The following MB variants were observed in gnomAD, a reference collection of about 807,000 sequenced individuals.
The protein encoded by MB is myoglobin.
MB carries 10 observed loss-of-function variants against 14.5 expected under a neutral mutation model. The observed-to-expected ratio is 0.69, with a 90% CI of 0.43 to 1.17. The LOEUF (loss-of-function observed/expected upper bound fraction) is 1.17, where lower values mean the gene tolerates loss of function less well. MB is among the 50% of genes most tolerant of loss of function. The pLI is 0.00. For synonymous variants in MB, 89 were observed against 78.6 expected (o/e 1.13, Z -0.70); for missense variants, 169 against 192.7 (o/e 0.88, Z 0.73).
chr22:35,617,337 C>G, upstream of MB: 1 of 1,171,588 alleles, frequency 8.5e-7, no homozygotes, highest in Non-Finnish European at 1.3e-6. Context: ...TTTGAGGCTG[C>G]CTGGTCCCAA....
chr22:35,620,379 T>TTCAG (rs997539411), upstream of MB, among the ~76,000 whole-genome samples: 27 of 152,332 alleles, frequency 1.8e-4, no homozygotes, highest in African/African-American at 6.0e-4. Flanking sequence ...CATTCATTCA[T>TTCAG]TCAGTCAGTC....
chr22:35,617,699 C>A (rs1259135402), upstream of MB: 1 of 168,246 alleles, frequency 5.9e-6, no homozygotes, highest in African/African-American at 2.4e-5. Context: ...TGTTTCTAAG[C>A]TTGGCCACCA....
intron 1 of MB, among the ~76,000 whole-genome samples, chr22:35,616,002 A>G (rs967835309): frequency 6.6e-6 from 1 of 152,196 alleles, no homozygotes; most frequent in Non-Finnish European, 1.5e-5. Flanking sequence ...AGGTAGACGG[A>G]AGCTGGAAAT....
At chr22:35,620,780 T>C (rs939211448), upstream of MB, among the ~76,000 whole-genome samples, 2 of 152,200 alleles carry the variant, frequency 1.3e-5, no homozygotes, top group African/African-American at 2.4e-5. Flanking sequence ...GGCTGATTAC[T>C]ACCCGAATCC....
chr22:35,621,970 A>C (rs1354836455), upstream of MB: 1 of 152,278 alleles, frequency 6.6e-6, no homozygotes, highest in African/African-American at 2.4e-5. Context: ...ACCCACCTGC[A>C]CAGGTTTGAG....
At chr22:35,610,332 T>C (rs974807950) in intron 2 of MB, among the ~76,000 whole-genome samples, 1 of 152,212 alleles carries the variant, frequency 6.6e-6, no homozygotes. Flanking sequence ...GTGAAGATGC[T>C]GGAACCAATA....
At chr22:35,621,636 C>G (rs551934642), upstream of MB, among the ~76,000 whole-genome samples, 1 of 152,284 alleles carries the variant, frequency 6.6e-6, no homozygotes, top group South Asian at 2.1e-4. Context: ...AGCTCACTAC[C>G]TAAAGCTTTA....
At chr22:35,616,467 C>G (rs746180550) in intron 1 of MB, among the ~76,000 whole-genome samples, 8 of 152,226 alleles carry the variant, frequency 5.3e-5, no homozygotes, top group Non-Finnish European at 1.0e-4. Context: ...CTTCTGTTCT[C>G]TAATTGCAAT....
intron 1 of MB, among the ~76,000 whole-genome samples, chr22:35,613,657 A>C (rs990761319): frequency 2.9e-5 from 4 of 139,750 alleles, no homozygotes; most frequent in African/African-American, 1.1e-4. Context: ...CACCACGCCC[A>C]GCTAATTTTG....
chr22:35,610,630 C>G (rs1271284173), intron 2 of MB, among the ~76,000 whole-genome samples: 1 of 152,186 alleles, frequency 6.6e-6, no homozygotes, highest in Non-Finnish European at 1.5e-5. Flanking sequence ...ATCCCCTCTC[C>G]CTTTCCTCTT....
At chr22:35,610,031 G>C (rs1179861560) in intron 2 of MB, among the ~76,000 whole-genome samples, 1 of 152,156 alleles carries the variant, frequency 6.6e-6, no homozygotes, top group African/African-American at 2.4e-5. Context: ...GCTAGGCATG[G>C]CAGCAAATGC....
At chr22:35,615,271 C>A (rs8137225) in intron 1 of MB, among the ~76,000 whole-genome samples, 279 of 152,280 alleles carry the variant, frequency 1.8e-3, no homozygotes, top group African/African-American at 6.6e-3. Flanking sequence ...CTCCACCCTG[C>A]CCCCAGGGAG....
intron 1 of MB, among the ~76,000 whole-genome samples, chr22:35,612,501 T>C (rs1484161810): frequency 6.6e-6 from 1 of 152,190 alleles, no homozygotes; most frequent in East Asian, 1.9e-4. Context: ...CCTCCTGGGT[T>C]TGAGCAATTC....
intron 1 of MB, among the ~76,000 whole-genome samples, chr22:35,612,876 A>G (rs1177220444): frequency 2.0e-5 from 3 of 152,168 alleles, no homozygotes; most frequent in African/African-American, 7.2e-5. Context: ...ATGGGCCTGC[A>G]CACTCACACA....
intron 2 of MB, among the ~76,000 whole-genome samples, chr22:35,609,803 C>T (rs1922452626): frequency 6.6e-6 from 1 of 152,182 alleles, no homozygotes; most frequent in African/African-American, 2.4e-5. Context: ...GATAGACTAC[C>T]TTTCCCAGCT....
At chr22:35,620,049 T>TG (rs1324692242), upstream of MB, among the ~76,000 whole-genome samples, 4 of 152,164 alleles carry the variant, frequency 2.6e-5, no homozygotes, top group Non-Finnish European at 5.9e-5. Context: ...TAAAATGCCA[T>TG]GGGGGGCCGG....
chr22:35,609,187 C>A (rs964655785), intron 2 of MB, among the ~76,000 whole-genome samples: 2 of 152,130 alleles, frequency 1.3e-5, no homozygotes, highest in African/African-American at 2.4e-5. Context: ...GAAATGGTAG[C>A]CCCTAGGGAG....
upstream of MB, among the ~76,000 whole-genome samples, chr22:35,619,029 C>A (rs986663165): frequency 1.3e-5 from 2 of 151,712 alleles, no homozygotes; most frequent in Admixed American, 6.6e-5. Context: ...ATCATCCACC[C>A]ATCCCTCCAT....
At chr22:35,616,352 T>A (rs923116182) in intron 1 of MB, among the ~76,000 whole-genome samples, 2 of 152,224 alleles carry the variant, frequency 1.3e-5, no homozygotes, top group Non-Finnish European at 2.9e-5. Flanking sequence ...TGGTGTATTC[T>A]GGAATCCCTT....
Sources: gnomAD v4.1 joint callset for allele counts (sites outside exome capture counted in the v4.1 genomes callset) on GRCh38, gnomAD v4.1.1 for gene constraint, MANE v1.5 for transcripts, NCBI Gene and HGNC (gene_info 2026-07-23, HGNC 2026-07-21) for gene names.